The following MRTFB variants were observed in gnomAD, a reference collection of about 807,000 sequenced individuals.
MRTFB encodes the protein myocardin-related transcription factor B.
In MRTFB, 29 loss-of-function variants were observed where a neutral mutation model predicts 104.2. The observed-to-expected ratio is 0.28, with a 90% CI of 0.21 to 0.38. The LOEUF (loss-of-function observed/expected upper bound fraction) is 0.38. MRTFB is among the 10% of genes least tolerant of loss of function. MRTFB has a pLI of 1.00. For missense variants in MRTFB, 1,270 were observed against 1,341.6 expected (o/e 0.95, Z 0.83); for synonymous variants, 535 against 519.5 (o/e 1.03, Z -0.41).
chr16:14,004,041 G>A, the MRTFB span, among the ~76,000 whole-genome samples: 2 of 152,184 alleles, frequency 1.3e-5, no homozygotes, highest in Admixed American at 6.5e-5. Context: ...TTGAGGGTTC[G>A]TTGGGTGGTT....
At chr16:14,199,672 C>T (rs2040596772) in intron 3 of MRTFB, among the ~76,000 whole-genome samples, 2 of 152,234 alleles carry the variant, frequency 1.3e-5, no homozygotes, top group South Asian at 2.1e-4. Flanking sequence ...CAAATCTATT[C>T]ATTACATCTC....
intron 3 of MRTFB, among the ~76,000 whole-genome samples, chr16:14,181,722 A>G (rs993932610): frequency 2.0e-5 from 3 of 152,218 alleles, no homozygotes; most frequent in Non-Finnish European, 4.4e-5. Flanking sequence ...GTATAGTATC[A>G]TCACAGCAAT....
chr16:14,239,274 TTAA>T (rs1427629091), intron 9 of MRTFB, among the ~76,000 whole-genome samples: 2 of 152,246 alleles, frequency 1.3e-5, no homozygotes, highest in African/African-American at 4.8e-5. Flanking sequence ...AACAAGAATG[TTAA>T]TAGTCACATT....
At chr16:14,038,903 A>T in the MRTFB span, among the ~76,000 whole-genome samples, 35 of 152,194 alleles carry the variant, frequency 2.3e-4, no homozygotes, top group Non-Finnish European at 3.8e-4. Context: ...CACATCTTAC[A>T]TGGCAGCAGG....
At chr16:14,024,713 C>A in the MRTFB span, among the ~76,000 whole-genome samples, 1 of 152,152 alleles carries the variant, frequency 6.6e-6, no homozygotes, top group South Asian at 2.1e-4. Flanking sequence ...AGAGGTGGTG[C>A]AAGAAATAAG....
In MRTFB at chr16:14,135,838, G is replaced by A. The variant is rs370200410; in HGVS notation, c.-63-4706G>A. The stretch of plus-strand genomic sequence containing the variant: ...ATGCCCTCTACACTGGCCCCATCCA[G>A]CTTTTTGCTGTTAGGTGATCTCTGT... On this transcript the variant is annotated intron_variant, in intron 2 of 16. Transcript: ENST00000571589. Among the ~76,000 whole-genome samples the A allele has an allele frequency of 4.5e-4, 69 of 152,224 alleles. No homozygotes were observed. In the East Asian group the frequency reaches 8.1e-3, roughly 18 times the overall value.
At chr16:14,186,162 T>C (rs1307452425) in intron 3 of MRTFB, among the ~76,000 whole-genome samples, 2 of 152,202 alleles carry the variant, frequency 1.3e-5, no homozygotes, top group Non-Finnish European at 2.9e-5. Context: ...AAAGCTGCAA[T>C]TGCAGTACAT....
At chr16:14,006,503 ACT>A in the MRTFB span, among the ~76,000 whole-genome samples, 1 of 149,660 alleles carries the variant, frequency 6.7e-6, no homozygotes. Flanking sequence ...GCAGAGTGAG[ACT>A]CTGTCTCAAA....
At chr16:14,083,423 G>C (rs1041835294) in intron 2 of MRTFB, among the ~76,000 whole-genome samples, 5 of 152,200 alleles carry the variant, frequency 3.3e-5, no homozygotes, top group African/African-American at 1.2e-4. Flanking sequence ...AATGGAGTCT[G>C]CCTCATAGGG....
chr16:14,139,669 A>G (rs1285200587), intron 2 of MRTFB, among the ~76,000 whole-genome samples: 1 of 152,240 alleles, frequency 6.6e-6, no homozygotes, highest in Non-Finnish European at 1.5e-5. Flanking sequence ...ATGTCCATAT[A>G]GATACCTGTA....
intron 3 of MRTFB, among the ~76,000 whole-genome samples, chr16:14,192,206 T>C (rs1037652375): frequency 6.9e-6 from 1 of 144,010 alleles, no homozygotes. Flanking sequence ...ACTCCGTCTC[T>C]ACAAAAAAAA....
At chr16:14,134,213 GA>G (rs1180878778) in intron 2 of MRTFB, among the ~76,000 whole-genome samples, 2 of 152,046 alleles carry the variant, frequency 1.3e-5, no homozygotes, top group African/African-American at 2.4e-5. Flanking sequence ...TCCAGCACAG[GA>G]ATGTTATATA....
At chr16:14,071,799 G>T (rs1288495567) in intron 1 of MRTFB, among the ~76,000 whole-genome samples, 2 of 152,178 alleles carry the variant, frequency 1.3e-5, no homozygotes, top group South Asian at 2.1e-4. Flanking sequence ...GGACCCCTGC[G>T]CCCCCTTCCT....
At chr16:14,097,301 G>A (rs1399373006) in intron 2 of MRTFB, among the ~76,000 whole-genome samples, 3 of 152,200 alleles carry the variant, frequency 2.0e-5, no homozygotes, top group Non-Finnish European at 4.4e-5. Flanking sequence ...CAAGCATTCA[G>A]TTCTGGTAGT....
At chr16:14,061,564 A>ACC in the MRTFB span, among the ~76,000 whole-genome samples, 1 of 128,412 alleles carries the variant, frequency 7.8e-6, no homozygotes, top group East Asian at 2.5e-4. Flanking sequence ...GCTCAAGGTC[A>ACC]TCTTTTTTTT....
At chr16:14,154,022 C>A (rs182202450) in intron 3 of MRTFB, among the ~76,000 whole-genome samples, 2 of 152,294 alleles carry the variant, frequency 1.3e-5, no homozygotes, top group East Asian at 3.9e-4. Context: ...TTTAACCCAT[C>A]TGCATCTTTA....
intron 3 of MRTFB, among the ~76,000 whole-genome samples, chr16:14,174,771 G>C (rs778765959): frequency 1.3e-5 from 2 of 152,062 alleles, no homozygotes; most frequent in African/African-American, 4.8e-5. Flanking sequence ...ATCACCACCC[G>C]TTTGCCATCC....
At chr16:14,240,935 G>C (rs1267184576) in intron 10 of MRTFB, 8 of 607,574 alleles carry the variant, frequency 1.3e-5, no homozygotes, top group Non-Finnish European at 2.3e-5. Flanking sequence ...AGGCACAGGG[G>C]AATGCTGTGA....
chr16:14,247,710 T>G, intron 12 of MRTFB: 1 of 584,034 alleles, frequency 1.7e-6, no homozygotes, highest in Non-Finnish European at 3.0e-6. Flanking sequence ...ACAGGATGCT[T>G]TTCTAGTCCT....
Sources: allele counts gnomAD v4.1 joint callset (sites outside exome capture counted in the v4.1 genomes callset), GRCh38; gene constraint gnomAD v4.1.1; transcripts MANE v1.5; gene names NCBI Gene and HGNC (gene_info 2026-07-23, HGNC 2026-07-21).